The following STAG2 variants were observed in gnomAD, a reference collection of about 807,000 sequenced individuals.
STAG2 encodes the protein cohesin subunit SA-2.
STAG2 carries 14 observed loss-of-function variants against 108.1 expected under a neutral mutation model. The observed-to-expected ratio is 0.13, with a 90% confidence interval of 0.09 to 0.20. STAG2 has a LOEUF of 0.20. Ranked by LOEUF, STAG2 falls within the 10% of genes least tolerant of loss-of-function variation. The pLI, the probability that STAG2 is intolerant of heterozygous loss-of-function variation, is 1.00. For synonymous variants in STAG2, 307 were observed against 302.7 expected (o/e 1.01, Z -0.15); for missense variants, 440 against 940.9 (o/e 0.47, Z 6.96).
intron 29 of STAG2, among the ~76,000 whole-genome samples, chrX:124,085,650 C>T (rs1024358961): frequency 9.2e-6 from 1 of 108,764 alleles, no homozygotes; most frequent in Non-Finnish European, 1.9e-5. Flanking sequence ...CAGTGTGCAC[C>T]TGTAATCCCA....
intron 14 of STAG2, among the ~76,000 whole-genome samples, chrX:124,056,472 G>A (rs1011525701): frequency 4.5e-5 from 5 of 110,526 alleles, no homozygotes; most frequent in Admixed American, 1.9e-4. Flanking sequence ...AGTGGCTCAT[G>A]CCTGTAATCT....
At chrX:124,074,300 TATATG>T (rs912952018) in intron 25 of STAG2, among the ~76,000 whole-genome samples, 2 of 112,804 alleles carry the variant, frequency 1.8e-5, no homozygotes, top group Non-Finnish European at 3.7e-5. Context: ...TGCTGAATAT[TATATG>T]ATACAAGTTA....
chrX:124,012,710 A>G (rs752129950), intron 1 of STAG2, among the ~76,000 whole-genome samples: 2 of 112,070 alleles, frequency 1.8e-5, no homozygotes, highest in Non-Finnish European at 3.8e-5. Context: ...GGCATTACAT[A>G]TTAATAGTCA....
At chrX:124,011,103 G>C (rs12839690) in intron 1 of STAG2, among the ~76,000 whole-genome samples, 25,649 of 110,329 alleles carry the variant, frequency 0.23, 2,227 homozygotes, top group South Asian at 0.38. Context: ...AGTCTTCTAC[G>C]TGCTTGGTTA....
At chrX:123,966,598 G>A (rs1304473079) in intron 1 of STAG2, among the ~76,000 whole-genome samples, 2 of 111,561 alleles carry the variant, frequency 1.8e-5, no homozygotes, top group Non-Finnish European at 3.8e-5. Context: ...GTTCTGATTG[G>A]CAAAGATATA....
At chrX:124,071,126 CT>C in intron 24 of STAG2, 22 bp from the exon 25 acceptor site, 1 of 1,007,527 alleles carries the variant, frequency 9.9e-7, no homozygotes, top group East Asian at 3.5e-5. Flanking sequence ...GCATGCTTTC[CT>C]CTTTTTTTTT....
Sources: allele counts gnomAD v4.1 joint callset (sites outside exome capture counted in the v4.1 genomes callset), GRCh38; gene constraint gnomAD v4.1.1; transcripts MANE v1.5; gene names NCBI Gene and HGNC (gene_info 2026-07-23, HGNC 2026-07-21).